The following MTAP variants were observed in gnomAD, a reference collection of about 807,000 sequenced individuals.
MTAP encodes methylthioadenosine phosphorylase.
A neutral mutation model predicts 33.6 loss-of-function variants in MTAP; 33 were observed. The ratio of observed to expected loss-of-function variants is 0.98; its 90% CI spans 0.74 to 1.31. MTAP has a LOEUF of 1.31. MTAP is among the 40% of genes most tolerant of loss of function. MTAP has a pLI of 0.00. For synonymous variants in MTAP, 148 were observed against 125.7 expected, an observed-to-expected ratio of 1.18 and a Z score of -1.19; for missense variants, 367 against 360.0, an observed-to-expected ratio of 1.02 and a Z score of -0.16.
chr9:21,869,560 T>G (rs1825905460), downstream of MTAP, among the ~76,000 whole-genome samples: 1 of 152,188 alleles, frequency 6.6e-6, no homozygotes, highest in African/African-American at 2.4e-5. Context: ...CACTTGTTCC[T>G]TGGTGGTCAC....
At chr9:21,871,749 T>G (rs894244763), downstream of MTAP, among the ~76,000 whole-genome samples, 5 of 152,202 alleles carry the variant, frequency 3.3e-5, no homozygotes, top group Admixed American at 6.5e-5. Flanking sequence ...TTTCCTGTTT[T>G]GTACTCCCAA....
At chr9:21,912,947 A>G (rs1818605307) in intron 1 of MTAP, among the ~76,000 whole-genome samples, 1 of 152,220 alleles carries the variant, frequency 6.6e-6, no homozygotes, top group African/African-American at 2.4e-5. Flanking sequence ...TCAGGATACA[A>G]AATCAATGTA....
At chr9:21,891,438 A>G (rs1379953806) in intron 1 of MTAP, among the ~76,000 whole-genome samples, 1 of 152,232 alleles carries the variant, frequency 6.6e-6, no homozygotes, top group Non-Finnish European at 1.5e-5. Flanking sequence ...TAGCCATTTT[A>G]AGAAAGAAAC....
chr9:21,837,145 GT>G (rs34710113), intron 4 of MTAP, among the ~76,000 whole-genome samples: 54,737 of 152,042 alleles, frequency 0.36, 10,497 homozygotes, highest in Admixed American at 0.46. Context: ...ATTCAAAACT[GT>G]TTTGTCAGAA....
chr9:21,829,106 G>C (rs1256810009), intron 4 of MTAP, among the ~76,000 whole-genome samples: 2 of 152,148 alleles, frequency 1.3e-5, no homozygotes, highest in African/African-American at 4.8e-5. Context: ...AGTGAATCTT[G>C]GTGTATTGAG....
intron 7 of MTAP, 160 bp downstream of exon 7, chr9:21,859,585 A>G: frequency 1.4e-6 from 1 of 701,448 alleles, no homozygotes. Context: ...CCACTTGTGA[A>G]ACTGAGTAGT....
intron 1 of MTAP, among the ~76,000 whole-genome samples, chr9:21,812,918 T>C (rs774236724): frequency 1.3e-5 from 2 of 152,256 alleles, no homozygotes; most frequent in African/African-American, 2.4e-5. Context: ...TGTGCTTCTC[T>C]TTCTTCGTTT....
chr9:21,930,754 T>G, intron 1 of MTAP: 3 of 702,350 alleles, frequency 4.3e-6, no homozygotes, highest in Non-Finnish European at 7.5e-6. Context: ...TGTTTAGCTT[T>G]AGATGAAAAA....
intron 4 of MTAP, among the ~76,000 whole-genome samples, chr9:21,826,909 C>T (rs989444699): frequency 1.3e-5 from 2 of 152,190 alleles, no homozygotes; most frequent in Admixed American, 6.5e-5. Context: ...ATTAGAGTCT[C>T]ATAGGAGCAG....
intron 5 of MTAP, among the ~76,000 whole-genome samples, chr9:21,844,711 G>T (rs562162849): frequency 2.0e-5 from 3 of 152,196 alleles, no homozygotes; most frequent in Non-Finnish European, 4.4e-5. Context: ...AGCAAAATTG[G>T]CATAGAAGGG....
chr9:21,898,520 T>G (rs1818336081), intron 1 of MTAP, among the ~76,000 whole-genome samples: 1 of 152,134 alleles, frequency 6.6e-6, no homozygotes, highest in Non-Finnish European at 1.5e-5. Flanking sequence ...TACAAAGAAC[T>G]TAAACAAATT....
chr9:21,869,545 A>T (rs1446411728), downstream of MTAP, among the ~76,000 whole-genome samples: 2 of 152,118 alleles, frequency 1.3e-5, 1 homozygote, highest in Admixed American at 1.3e-4. Context: ...GGATTTCTCC[A>T]TCTTCACTTG....
chr9:21,933,933 C>T (rs566412647), downstream of MTAP: 65 of 152,196 alleles, frequency 4.3e-4, no homozygotes, highest in African/African-American at 1.5e-3. Context: ...AAAAATAAGA[C>T]CTAGCGCAAA....
intron 4 of MTAP, among the ~76,000 whole-genome samples, chr9:21,837,069 C>A (rs75890377): frequency 6.6e-6 from 1 of 152,152 alleles, no homozygotes; most frequent in African/African-American, 2.4e-5. Flanking sequence ...GTGGCTTGTT[C>A]TGAAAACTTC....
intron 1 of MTAP, among the ~76,000 whole-genome samples, chr9:21,921,330 T>C (rs1818783973): frequency 6.6e-6 from 1 of 152,174 alleles, no homozygotes; most frequent in African/African-American, 2.4e-5. Flanking sequence ...GGTTTGTTAA[T>C]TTATTTTTTC....
chr9:21,808,546 A>G (rs111711169), intron 1 of MTAP, among the ~76,000 whole-genome samples: 126 of 149,830 alleles, frequency 8.4e-4, no homozygotes, highest in African/African-American at 3.0e-3. Context: ...CTGAGATTTC[A>G]CCACTGCACT....
At position 21,862,049 on chromosome 9, in the gene MTAP, C is replaced by G; in HGVS notation, c.*35C>G. ...GCTGCCCAGGAGAAAAGAAGACATTCTAATTCCAGTCATTTTGGGAATTCC... is the reference window on the plus strand; with the variant it reads ...GCTGCCCAGGAGAAAAGAAGACATTGTAATTCCAGTCATTTTGGGAATTCC... On this transcript the variant is annotated 3_prime_UTR_variant, in exon 8 of 8. Transcript: ENST00000644715. 1.2e-6 allele frequency: 2 copies of G among 1,609,156 alleles called. No individual in the cohort carries two copies. Among genetic ancestry groups the G allele is most frequent in the Non-Finnish European group, 1.7e-6 (2 of 1,178,480 alleles).
chr9:21,863,322 TGTTGGCCGGGCACA>T lies in MTAP; in HGVS notation c.*1313_*1326del, dbSNP rs1256678815. The T allele has an allele frequency of 8.1e-6, 8 of 984,316 alleles. No homozygotes were observed. In the African/African-American group the frequency reaches 1.4e-4, roughly 17 times the overall value. 61.0% of individuals were successfully genotyped at this position (984,316 alleles called of 1,614,324 possible). A position where few individuals can be genotyped will look rare whatever the true frequency, so the allele number is the denominator to read the frequency against. On this transcript the variant is annotated 3_prime_UTR_variant, in exon 8 of 8. Transcript: ENST00000644715. ...ATTGTTATTTTATAGAAATGCTTTTTGTTGGCCGGGCACAGTTGCTCATCCATGTAATCCCAGCA... is the reference window on the plus strand; with the variant it reads ...ATTGTTATTTTATAGAAATGCTTTTTGTTGCTCATCCATGTAATCCCAGCA...
At chr9:21,925,104 T>C (rs1818848130) in intron 1 of MTAP, among the ~76,000 whole-genome samples, 1 of 152,200 alleles carries the variant, frequency 6.6e-6, no homozygotes, top group South Asian at 2.1e-4. Flanking sequence ...ACAATACCCA[T>C]GGGGGCATAT....
Sources: gnomAD v4.1 joint callset for allele counts (sites outside exome capture counted in the v4.1 genomes callset) on GRCh38, gnomAD v4.1.1 for gene constraint, MANE v1.5 for transcripts, NCBI Gene and HGNC (gene_info 2026-07-23, HGNC 2026-07-21) for gene names.